ZNF823: variants seen among roughly 807,000 people sequenced by gnomAD.
The protein encoded by ZNF823 is zinc finger protein 823, also known as ZFP 36 for a zinc finger protein.
Under a neutral mutation model 11.4 loss-of-function variants are expected in ZNF823, and 5 were observed. The ratio of observed to expected loss-of-function variants is 0.44; its 90% CI spans 0.23 to 0.92. The LOEUF (loss-of-function observed/expected upper bound fraction) is 0.92, where lower values mean the gene tolerates loss of function less well. ZNF823 is among the 40% of genes least tolerant of loss of function. The pLI, the probability that ZNF823 is intolerant of heterozygous loss-of-function variation, is 0.24. For missense variants in ZNF823, 582 were observed against 738.5 expected (o/e 0.79, Z 2.46); for synonymous variants, 234 against 250.5 (o/e 0.93, Z 0.62).
chr19:11,724,046 C>A, intron 3 of ZNF823, 148 bp downstream of exon 3: 1 of 623,672 alleles, frequency 1.6e-6, no homozygotes, highest in Non-Finnish European at 2.6e-6. Context: ...ATTACATGTG[C>A]GAGTCACTGT....
At position 11,723,281 on chromosome 19, in the gene ZNF823, C is replaced by T. The variant is rs1974729459; in HGVS notation, c.253G>A (p.Asp85Asn). 1.7e-5 allele frequency: 28 copies of T among 1,613,924 alleles called. No individual in the cohort carries two copies. Among genetic ancestry groups the T allele is most frequent in the Non-Finnish European group, 2.4e-5 (28 of 1,179,872 alleles). Residue 85 changes from aspartate to asparagine, a missense_variant, in exon 4 of 4, where the codon GAT becomes AAT. Around this residue, in one of 3 missense-constraint regions of ZNF823, gnomAD observed 429 missense variants for 553.7 expected, o/e 0.77. Coordinates refer to ENST00000341191, the MANE Select transcript of ZNF823 (RefSeq NM_001080493.4). ...GGAGTGTTCTTGTTCACAATACTATCTGGAATCTGGCCAAAAGTTTCTCCA... is the reference window on the plus strand; with the variant it reads ...GGAGTGTTCTTGTTCACAATACTATTTGGAATCTGGCCAAAAGTTTCTCCA... ...QCGETFGQIP[D>N]SIVNKNTPRV...
At position 11,723,077 on chromosome 19, in the gene ZNF823, T is replaced by C. The variant is rs1340679326; in HGVS notation, c.457A>G (p.Thr153Ala). ...TTTCCGGTGGGGGGCCTTTCATGTG[T>C]CTGGAAGGAGTGCTGATGACTGATG... ...KAISHQHSFQTHERPPTGKKP... is the reference protein window; with the variant it reads ...KAISHQHSFQAHERPPTGKKP... Residue 153 changes from threonine (T) to alanine (A), a missense_variant, in exon 4 of 4, where the codon ACA becomes GCA. This residue lies in a region of ZNF823 where 429 missense variants were observed against 553.7 expected (regional missense o/e 0.77). Coordinates refer to ENST00000341191, the MANE Select transcript of ZNF823 (RefSeq NM_001080493.4). 1.9e-6 allele frequency: 3 copies of C among 1,614,158 alleles called. No individual in the cohort carries two copies.
chr19:11,734,489 T>C (rs1186634195), intron 1 of ZNF823, among the ~76,000 whole-genome samples: 1 of 152,144 alleles, frequency 6.6e-6, no homozygotes, highest in Admixed American at 6.5e-5. Flanking sequence ...AAACTTTCCT[T>C]AAGTTTCTCT....
chr19:11,722,469 A>C lies in ZNF823; in HGVS notation c.1065T>G (p.Thr355=), dbSNP rs2145202228. 6.2e-7 allele frequency: 1 copy of C among 1,614,144 alleles called. No homozygotes were observed. The highest frequency in any genetic ancestry group is 8.5e-7 in the Non-Finnish European group (1 of 1,180,022). The change falls in exon 4 of 4, where the codon ACT becomes ACG. Residue 355 remains threonine, a synonymous_variant. Transcript: ENST00000341191. The surrounding 1 kb of genome is among the most constrained non-coding windows in gnomAD (Gnocchi z 5.2). ...SSVRNHETTH[T]GEKPYECKQC... ...GCTTACATTCATAGGGTTTCTCTCC[A>C]GTGTGAGTAGTTTCATGATTTCGAA...
chr19:11,721,951 T>A lies in ZNF823; in HGVS notation c.1583A>T (p.Glu528Val), dbSNP rs1974689227. The A allele has an allele frequency of 1.2e-6, 2 of 1,614,168 alleles. No homozygotes were observed. The highest frequency in any genetic ancestry group is 2.2e-5 in the East Asian group (1 of 44,860). ...GAATGCTTTTCCACATTCCTTACAT[T>A]CATATGGCTTCTCTCCAGAGTGAAT... ...ERIHSGEKPY[E>V]CKECGKAFSW... The change falls in exon 4 of 4, where the codon GAA becomes GTA. Residue 528 changes from glutamate to valine, a missense_variant. Transcript: ENST00000341191.
Position 11,737,423 on chromosome 19 carries a change from C to T in ZNF823, c.3+1394G>A, listed in dbSNP as rs1368662664. ...GGATTACAGGCATGAGCCACCACCCCGGCTAATTTTGTATTTTTAGTAGAG... is the reference window on the plus strand; with the variant it reads ...GGATTACAGGCATGAGCCACCACCCTGGCTAATTTTGTATTTTTAGTAGAG... On this transcript the variant is annotated intron_variant, in intron 1 of 3. Coordinates refer to ENST00000341191, the MANE Select transcript of ZNF823 (RefSeq NM_001080493.4). Among the ~76,000 whole-genome samples the T allele has an allele frequency of 3.9e-5, 6 of 152,070 alleles. No individual in the cohort carries two copies. In the East Asian group the frequency reaches 1.2e-3, roughly 29 times the overall value.
In ZNF823 at chr19:11,721,653, C is replaced by T; in HGVS notation, c.*48G>A. The T allele has an allele frequency of 6.5e-7, 1 of 1,534,572 alleles. No homozygotes were observed. Among genetic ancestry groups the T allele is most frequent in the African/African-American group, 1.4e-5 (1 of 72,380 alleles). ...GGTCTATCTCCAAAGTGAGTTCTTT[C>T]AAGTTTCTGAAATTAAAGTACTGAA... On this transcript the variant is annotated 3_prime_UTR_variant, in exon 4 of 4. Transcript: ENST00000341191.
At chr19:11,733,378 A>AG (rs1385757478) in intron 1 of ZNF823, among the ~76,000 whole-genome samples, 7 of 150,230 alleles carry the variant, frequency 4.7e-5, no homozygotes, top group Non-Finnish European at 7.4e-5. Context: ...AAAAAAAAAA[A>AG]AAAAGAAAAA....
chr19:11,726,756 C>T (rs1006827372), intron 1 of ZNF823, among the ~76,000 whole-genome samples: 4 of 152,130 alleles, frequency 2.6e-5, no homozygotes, highest in African/African-American at 9.7e-5. Flanking sequence ...ATAAATTACC[C>T]AGGCTCAGGT....
chr19:11,738,537 T>C (rs1255506197), intron 1 of ZNF823, among the ~76,000 whole-genome samples: 3 of 152,186 alleles, frequency 2.0e-5, no homozygotes, highest in African/African-American at 7.2e-5. Flanking sequence ...CTGCACAATC[T>C]GGGGAGACGC....
chr19:11,725,887 G>T (rs4340427), intron 1 of ZNF823: 1 of 153,306 alleles, frequency 6.5e-6, no homozygotes, highest in African/African-American at 2.4e-5. Context: ...TTAAGAACAG[G>T]AGTTTAGGAC....
At chr19:11,738,421 G>T (rs1258864616) in intron 1 of ZNF823, among the ~76,000 whole-genome samples, 2 of 152,198 alleles carry the variant, frequency 1.3e-5, no homozygotes, top group Non-Finnish European at 2.9e-5. Context: ...ACCTCTCAGG[G>T]AGGCGGATCT....
rs1306098978 is a variant in ZNF823, at chr19:11,729,848, T to C, written c.4-4521A>G. Among the ~76,000 whole-genome samples the C allele has an allele frequency of 2.6e-5, 4 of 152,242 alleles. No individual in the cohort carries two copies. In the East Asian group the frequency reaches 7.7e-4, roughly 29 times the overall value. ...ACCTTGTACTATCCTACAAGTTACG[T>C]TTGGAAGGCTTTCAAATTAACCTGT... On this transcript the variant is annotated intron_variant, in intron 1 of 3. Coordinates refer to ENST00000341191, the MANE Select transcript of ZNF823 (RefSeq NM_001080493.4).
At chr19:11,733,565 G>A (rs1974943043) in intron 1 of ZNF823, among the ~76,000 whole-genome samples, 1 of 151,884 alleles carries the variant, frequency 6.6e-6, no homozygotes, top group South Asian at 2.1e-4. Flanking sequence ...TGGGCGTGGT[G>A]GTGCACGCTT....
At position 11,721,287 on chromosome 19, in the gene ZNF823, T is replaced by C. The variant is rs1974672659; in HGVS notation, c.*414A>G. 1 of 158,282 alleles carries C rather than the reference T, an allele frequency of 6.3e-6. No homozygotes were observed. The highest frequency in any genetic ancestry group is 1.9e-4 in the South Asian group (1 of 5,172). The allele number at this position is 158,282 out of a possible 1,614,324, so 9.8% of individuals were successfully genotyped here. A position where few individuals can be genotyped will look rare whatever the true frequency, so the allele number is the denominator to read the frequency against. ...CTGTGAATGTTAAAACAAATTTTAA[T>C]GTTCTGGGTGACATATACCACGTAG... On this transcript the variant is annotated 3_prime_UTR_variant, in exon 4 of 4. Coordinates refer to ENST00000341191, the MANE Select transcript of ZNF823 (RefSeq NM_001080493.4).
chr19:11,737,848 G>A (rs1452257031), intron 1 of ZNF823, among the ~76,000 whole-genome samples: 1 of 152,112 alleles, frequency 6.6e-6, no homozygotes, highest in African/African-American at 2.4e-5. Flanking sequence ...AGGGGATAGG[G>A]TGGTGGATTT....
chr19:11,735,637 T>C (rs1292985167), intron 1 of ZNF823, among the ~76,000 whole-genome samples: 1 of 152,086 alleles, frequency 6.6e-6, no homozygotes, highest in African/African-American at 2.4e-5. Flanking sequence ...ATGACCTCCC[T>C]TTGCAGGCTC....
At position 11,721,526 on chromosome 19, in the gene ZNF823, T is replaced by C. The variant is rs1974676928; in HGVS notation, c.*175A>G. On this transcript the variant is annotated 3_prime_UTR_variant, in exon 4 of 4. Coordinates refer to ENST00000341191, the MANE Select transcript of ZNF823 (RefSeq NM_001080493.4). Reference sequence around the variant, plus strand: ...TAACAAAGGACTTGGCATCTGTGGATTTAGAGGGTGCTGGAACCAATCCCC... The same window carrying C: ...TAACAAAGGACTTGGCATCTGTGGACTTAGAGGGTGCTGGAACCAATCCCC... 2 of 612,446 alleles carry C rather than the reference T, an allele frequency of 3.3e-6. No individual in the cohort carries two copies. The highest frequency in any genetic ancestry group is 6.4e-5 in the Admixed American group (2 of 31,312). 37.9% of individuals were successfully genotyped at this position (612,446 alleles called of 1,614,324 possible). A position where few individuals can be genotyped will look rare whatever the true frequency, so the allele number is the denominator to read the frequency against.
chr19:11,727,636 CTA>C (rs1974815888), intron 1 of ZNF823, among the ~76,000 whole-genome samples: 1 of 152,160 alleles, frequency 6.6e-6, no homozygotes, highest in African/African-American at 2.4e-5. Context: ...ATTCGGCATC[CTA>C]TACTATTAAC....
Sources: allele counts gnomAD v4.1 joint callset (sites outside exome capture counted in the v4.1 genomes callset), GRCh38; gene constraint gnomAD v4.1.1; regional missense constraint gnomAD v4.1.1; non-coding constraint Gnocchi (gnomAD v3.1); transcripts MANE v1.5; gene names NCBI Gene and HGNC (gene_info 2026-07-23, HGNC 2026-07-21).